Variants in DPYSL2 observed in about 807,000 individuals in gnomAD.
DPYSL2 encodes dihydropyrimidinase like 2.
Under a neutral mutation model 69.9 loss-of-function variants are expected in DPYSL2, and 13 were observed. The ratio of observed to expected loss-of-function variants is 0.19; its 90% CI spans 0.12 to 0.30. The LOEUF (loss-of-function observed/expected upper bound fraction) is 0.30, where lower values mean the gene tolerates loss of function less well. Among genes scored for constraint, DPYSL2 ranks in the 10% least tolerant of loss-of-function variants. The probability of loss-of-function intolerance (pLI) is 1.00; values close to 1 mark genes in which losing one functional copy is unlikely to be tolerated. For missense variants in DPYSL2, 587 were observed against 918.9 expected, an observed-to-expected ratio of 0.64 and a Z score of 4.67; for synonymous variants, 326 against 359.1, an observed-to-expected ratio of 0.91 and a Z score of 1.04.
chr8:26,622,152 T>C (rs1563413403), intron 3 of DPYSL2, among the ~76,000 whole-genome samples: 1,162 of 65,424 alleles, frequency 0.018, 59 homozygotes, highest in Admixed American at 0.062. Flanking sequence ...CTTCCTTCCT[T>C]CCTTCCCTCT....
Position 26,627,835 on chromosome 8 carries a change from C to G in DPYSL2, c.937-37C>G. 1 of 1,606,908 alleles carries G rather than the reference C, an allele frequency of 6.2e-7. No homozygotes were observed. Among genetic ancestry groups the G allele is most frequent in the Non-Finnish European group, 8.5e-7 (1 of 1,176,204 alleles). On this transcript the variant is annotated intron_variant, in intron 6 of 13. Coordinates refer to ENST00000521913, the MANE Select transcript of DPYSL2 (RefSeq NM_001197293.3). This position sits in a 1 kb window ranked among gnomAD's most constrained non-coding sequence, Gnocchi z 6.9. ...TGCCATCAGAGCTGTGCAAAATCCA[C>G]TCTCCCTCACAGCCTGACTTTCTCT...
intron 1 of DPYSL2, among the ~76,000 whole-genome samples, chr8:26,546,315 C>T (rs1438695612): frequency 6.6e-6 from 1 of 152,112 alleles, no homozygotes; most frequent in Non-Finnish European, 1.5e-5. Context: ...TACAGGAAAG[C>T]AATGGACTTT....
Position 26,597,775 on chromosome 8 carries a change from CT to C in DPYSL2, c.628+13812del, listed in dbSNP as rs374599797. On this transcript the variant is annotated intron_variant, in intron 3 of 13. Transcript: ENST00000521913. The surrounding 1 kb of genome is among the most constrained non-coding windows in gnomAD (Gnocchi z 5.2). ...AGGCAAGAGCCACCGCACCTGGCCTCTTTTTTTTTTTTTTTTTTTTGAGGGG... is the reference window on the plus strand; with the variant it reads ...AGGCAAGAGCCACCGCACCTGGCCTCTTTTTTTTTTTTTTTTTTTGAGGGG... 0.42 allele frequency among the ~76,000 whole-genome samples: 53,038 copies of C among 127,124 alleles called. 11,006 individuals carry two copies. Among genetic ancestry groups the C allele is most frequent in the East Asian group, 0.65 (2,736 of 4,240 alleles). 83.4% of individuals were successfully genotyped at this position (127,124 alleles called of 152,430 possible).
rs540040977 is a variant in DPYSL2, at chr8:26,602,912, T to C, written c.628+18929T>C. On this transcript the variant is annotated intron_variant, in intron 3 of 13. Transcript: ENST00000521913. ...GAGAGGCTTCAGCCAATAGGTCCTA[T>C]GTGAGCTGACCCTTGAAAGCCGGCT... Among the ~76,000 whole-genome samples, 12 of 152,338 alleles carry C rather than the reference T, an allele frequency of 7.9e-5. No homozygotes were observed. In the South Asian group the frequency reaches 2.1e-3, roughly 26 times the overall value.
rs982436608 is a variant in DPYSL2 at position 26,516,226 on chromosome 8, A to C, written c.354+1547A>C. Among the ~76,000 whole-genome samples the C allele has an allele frequency of 6.6e-6, 1 of 152,180 alleles. No homozygotes were observed. Among genetic ancestry groups the C allele is most frequent in the Non-Finnish European group, 1.5e-5 (1 of 68,042 alleles). On this transcript the variant is annotated intron_variant, in intron 1 of 13. Transcript: ENST00000521913. This position sits in a 1 kb window ranked among gnomAD's most constrained non-coding sequence, Gnocchi z 4.8. ...AACCAGAAGAAACTAAATCCAAAAA[A>C]CTTGCTTTGTTCCAAGTGATCAGAC...
intron 7 of DPYSL2, among the ~76,000 whole-genome samples, chr8:26,634,428 C>CTTTTTTTTTTTTTTT (rs55746168): frequency 3.3e-5 from 3 of 91,140 alleles, no homozygotes; most frequent in Admixed American, 1.4e-4. Flanking sequence ...CCATGCCCAG[C>CTTTTTTTTTTTTTTT]TTTTTTTTTT....
intron 1 of DPYSL2, among the ~76,000 whole-genome samples, chr8:26,556,151 C>G (rs1483182377): frequency 3.2e-4 from 1 of 3,118 alleles, no homozygotes; most frequent in Non-Finnish European, 9.0e-4. Context: ...ATAGTATATA[C>G]TATATATAGT....
chr8:26,618,199 G>A (rs1802397984), intron 3 of DPYSL2, among the ~76,000 whole-genome samples: 1 of 152,148 alleles, frequency 6.6e-6, no homozygotes, highest in South Asian at 2.1e-4. Flanking sequence ...GGTGTTTCCA[G>A]TCACTCATCT....
rs781260302 is a variant in DPYSL2, at chr8:26,643,406, G to A, written c.1127-33G>A. The A allele has an allele frequency of 3.9e-6, 6 of 1,556,886 alleles. No homozygotes were observed. In the African/African-American group the frequency reaches 6.8e-5, roughly 18 times the overall value. On this transcript the variant is annotated intron_variant, in intron 8 of 13. Coordinates refer to ENST00000521913, the MANE Select transcript of DPYSL2 (RefSeq NM_001197293.3). The surrounding 1 kb of genome is among the most constrained non-coding windows in gnomAD (Gnocchi z 6.5). Reference sequence around the variant, plus strand: ...GGTGGTTCCCTTCCCCCTGCATTGTGTTGGACTGAACCTTGTGTGTTCTGT... The same window carrying A: ...GGTGGTTCCCTTCCCCCTGCATTGTATTGGACTGAACCTTGTGTGTTCTGT...
chr8:26,557,211 A>AAAAAACATTTTACTTCAAAAGTG (rs1801002913), intron 1 of DPYSL2, among the ~76,000 whole-genome samples: 1 of 151,430 alleles, frequency 6.6e-6, no homozygotes, highest in Non-Finnish European at 1.5e-5. Context: ...CTTCAAAAGT[A>AAAAAACATTTTACTTCAAAAGTG]AAAAACTTCT....
Position 26,655,662 on chromosome 8 carries a change from G to A in DPYSL2, c.1990G>A (p.Val664Met), listed in dbSNP as rs1431222466. 5 of 1,609,740 alleles carry A rather than the reference G, an allele frequency of 3.1e-6. No homozygotes were observed. Among genetic ancestry groups the A allele is most frequent in the African/African-American group, 1.3e-5 (1 of 74,838 alleles). ...NIPRRTTQRIVAPPGGRANIT... is the reference protein window; with the variant it reads ...NIPRRTTQRIMAPPGGRANIT... ...TCCCCGCCGCACCACCCAGCGTATC[G>A]TGGCGCCCCCCGGTGGCCGTGCCAA... The change falls in exon 14 of 14, where the codon GTG becomes ATG. Residue 664 changes from valine to methionine, a missense_variant. Transcript: ENST00000521913.
In DPYSL2 at chr8:26,657,363, A is replaced by G. The variant is rs1037711957; in HGVS notation, c.*1657A>G. ...TCCTTGCTGACTTGTGTTGCATTGTATTCCAAACGTGTTTACAGGTTCTCT... is the reference window on the plus strand; with the variant it reads ...TCCTTGCTGACTTGTGTTGCATTGTGTTCCAAACGTGTTTACAGGTTCTCT... On this transcript the variant is annotated 3_prime_UTR_variant, in exon 14 of 14. Coordinates refer to ENST00000521913, the MANE Select transcript of DPYSL2 (RefSeq NM_001197293.3). 6.6e-6 allele frequency: 1 copy of G among 152,604 alleles called. No individual in the cohort carries two copies. The highest frequency in any genetic ancestry group is 1.5e-5 in the Non-Finnish European group (1 of 68,048). 9.5% of individuals were successfully genotyped at this position (152,604 alleles called of 1,614,324 possible).
At chr8:26,590,810 G>A (rs1270968792) in intron 3 of DPYSL2, among the ~76,000 whole-genome samples, 3 of 152,260 alleles carry the variant, frequency 2.0e-5, no homozygotes, top group African/African-American at 7.2e-5. Context: ...CATCCTCAGA[G>A]ACAGCACAGC....
intron 3 of DPYSL2, among the ~76,000 whole-genome samples, chr8:26,592,277 C>A (rs1307245480): frequency 6.6e-6 from 1 of 152,074 alleles, no homozygotes; most frequent in Admixed American, 6.6e-5. Context: ...TCCTCTTGTC[C>A]CAGTAGTTGG....
intron 7 of DPYSL2, among the ~76,000 whole-genome samples, chr8:26,631,400 G>A (rs1030771490): frequency 6.6e-6 from 1 of 152,122 alleles, no homozygotes; most frequent in Non-Finnish European, 1.5e-5. Context: ...GATCTCGTGA[G>A]AACTCACTCA....
At position 26,653,303 on chromosome 8, in the gene DPYSL2, G is replaced by A. The variant is rs531443784; in HGVS notation, c.1848G>A (p.Lys616=). 22 of 1,614,162 alleles carry A rather than the reference G, an allele frequency of 1.4e-5. No homozygotes were observed. The South Asian group carries it at 2.3e-4, about 17-fold the overall frequency. Residue 616 remains lysine, a synonymous_variant, in exon 13 of 14, where the codon AAG becomes AAA. Coordinates refer to ENST00000521913, the MANE Select transcript of DPYSL2 (RefSeq NM_001197293.3). This position sits in a 1 kb window ranked among gnomAD's most constrained non-coding sequence, Gnocchi z 5.7. ...TGTGTGAAGTGTCTGTGACGCCCAA[G>A]ACAGTCACTCCAGCCTCCTCGGCCA... ...GPVCEVSVTP[K]TVTPASSAKT... is the part of the protein sequence containing the mutation.
rs1801512964 is a variant in DPYSL2 at position 26,582,523 on chromosome 8, A to G, written c.443+466A>G. Among the ~76,000 whole-genome samples, 1 of 152,240 alleles carries G rather than the reference A, an allele frequency of 6.6e-6. No homozygotes were observed. The highest frequency in any genetic ancestry group is 1.5e-5 in the Non-Finnish European group (1 of 68,030). The stretch of plus-strand genomic sequence containing the variant: ...GATACCAAGTTAATTACTAAGTAAT[A>G]CAGACAAATTACTGCCTAAATCCTG... On this transcript the variant is annotated intron_variant, in intron 2 of 13. Transcript: ENST00000521913. The surrounding 1 kb of genome is among the most constrained non-coding windows in gnomAD (Gnocchi z 4.1).
chr8:26,577,211 T>C, intron 1 of DPYSL2: 1 of 426,238 alleles, frequency 2.3e-6, no homozygotes, highest in Non-Finnish European at 4.7e-6. Context: ...CTCTGCAGCC[T>C]CCCCCCGGCC....
At chr8:26,525,785 T>G (rs1382467199) in intron 1 of DPYSL2, among the ~76,000 whole-genome samples, 1 of 152,172 alleles carries the variant, frequency 6.6e-6, no homozygotes, top group East Asian at 1.9e-4. Context: ...CTCTTTAATA[T>G]CTTTAGTTTT....
Sources: gnomAD v4.1 joint callset for allele counts (sites outside exome capture counted in the v4.1 genomes callset) on GRCh38, gnomAD v4.1.1 for gene constraint, Gnocchi (gnomAD v3.1) non-coding constraint, MANE v1.5 for transcripts, NCBI Gene and HGNC (gene_info 2026-07-23, HGNC 2026-07-21) for gene names.